The following OSMR variants were observed in gnomAD, a reference collection of about 807,000 sequenced individuals.
OSMR encodes the protein oncostatin-M-specific receptor subunit beta.
OSMR carries 81 observed loss-of-function variants against 99.9 expected under a neutral mutation model. The ratio of observed to expected loss-of-function variants is 0.81; its 90% CI spans 0.68 to 0.97. OSMR has a LOEUF of 0.97. OSMR is among the 50% of genes least tolerant of loss of function. The pLI, the probability that OSMR is intolerant of heterozygous loss-of-function variation, is 0.00. For missense variants in OSMR, 1,099 were observed against 1,153.4 expected, an observed-to-expected ratio of 0.95 and a Z score of 0.68; for synonymous variants, 406 against 410.4, an observed-to-expected ratio of 0.99 and a Z score of 0.13.
intron 1 of OSMR, among the ~76,000 whole-genome samples, chr5:38,866,539 A>G (rs1205034974): frequency 6.6e-6 from 1 of 152,184 alleles, no homozygotes; most frequent in East Asian, 1.9e-4. Context: ...AGTGAGGTAG[A>G]GTGCTGGGGA....
chr5:38,904,406 T>C lies in OSMR; in HGVS notation c.1188T>C (p.Pro396=), dbSNP rs1745098841. 1 of 1,614,082 alleles carries C rather than the reference T, an allele frequency of 6.2e-7. No individual in the cohort carries two copies. Among genetic ancestry groups the C allele is most frequent in the African/African-American group, 1.3e-5 (1 of 74,934 alleles). The change falls in exon 9 of 18, where the codon CCT becomes CCC. Residue 396 remains proline, a synonymous_variant. Coordinates refer to ENST00000274276, the MANE Select transcript of OSMR (RefSeq NM_003999.3). ...NGEYFLSELE[P]ATEYMARVRC... Reference sequence around the variant, plus strand: ...AGTACTTCTTAAGTGAACTGGAACCTGCCACAGAGTACATGGCGCGAGTAC... The same window carrying C: ...AGTACTTCTTAAGTGAACTGGAACCCGCCACAGAGTACATGGCGCGAGTAC...
chr5:38,919,658 A>G, intron 11 of OSMR: 1 of 283,236 alleles, frequency 3.5e-6, no homozygotes, highest in Non-Finnish European at 6.8e-6. Context: ...TCAACCCCAC[A>G]GTTACATGCT....
chr5:38,927,026 A>T (rs967942031), intron 15 of OSMR, among the ~76,000 whole-genome samples: 1 of 152,178 alleles, frequency 6.6e-6, no homozygotes, highest in Non-Finnish European at 1.5e-5. Flanking sequence ...CAGTCATTAA[A>T]CCTTAAAGTT....
chr5:38,863,900 TTATTACA>T lies in OSMR; in HGVS notation c.-13-5128_-13-5122del, dbSNP rs375924571. Among the ~76,000 whole-genome samples the T allele has an allele frequency of 1.5e-3, 219 of 150,592 alleles. 1 individual carries two copies. Among genetic ancestry groups the T allele is most frequent in the African/African-American group, 5.1e-3 (212 of 41,408 alleles). On this transcript the variant is annotated intron_variant, in intron 1 of 17. Coordinates refer to ENST00000274276, the MANE Select transcript of OSMR (RefSeq NM_003999.3). ...AGATCTTCTTGCTGAATTGAGCCCT[TTATTACA>T]TATAACAACTTTCTTTTTCTCTTTT...
In OSMR at chr5:38,908,149, G is replaced by A. The variant is rs542087060; in HGVS notation, c.1285+3646G>A. ...TGCAAACCAGCACACAGACAACCAC[G>A]GCCCTGCCTTCCCAGTGCCACCACA... On this transcript the variant is annotated intron_variant, in intron 9 of 17. Coordinates refer to ENST00000274276, the MANE Select transcript of OSMR (RefSeq NM_003999.3). 4.6e-5 allele frequency among the ~76,000 whole-genome samples: 7 copies of A among 152,100 alleles called. No homozygotes were observed. In the South Asian group the frequency reaches 1.2e-3, roughly 27 times the overall value.
chr5:38,857,515 C>A (rs1348245310), intron 1 of OSMR, among the ~76,000 whole-genome samples: 1 of 152,046 alleles, frequency 6.6e-6, no homozygotes, highest in Non-Finnish European at 1.5e-5. Context: ...AAAATTGACA[C>A]ATAATAATTA....
intron 9 of OSMR, among the ~76,000 whole-genome samples, chr5:38,915,076 T>G (rs1056122105): frequency 1.3e-5 from 2 of 152,204 alleles, no homozygotes; most frequent in African/African-American, 4.8e-5. Flanking sequence ...TTCACTAAAT[T>G]TGATTATTAA....
At chr5:38,849,530 A>G (rs978114295) in intron 1 of OSMR, among the ~76,000 whole-genome samples, 2 of 151,976 alleles carry the variant, frequency 1.3e-5, no homozygotes, top group African/African-American at 4.8e-5. Context: ...AGTGTTTTTG[A>G]AAATCTTGTG....
intron 1 of OSMR, among the ~76,000 whole-genome samples, chr5:38,865,894 G>T (rs1019285170): frequency 7.9e-5 from 12 of 152,212 alleles, no homozygotes; most frequent in Non-Finnish European, 1.6e-4. Context: ...TGGTGGCTGT[G>T]ATGGGCTGTG....
At chr5:38,936,266 T>C (rs956272455), downstream of OSMR, among the ~76,000 whole-genome samples, 6 of 152,162 alleles carry the variant, frequency 3.9e-5, no homozygotes, top group African/African-American at 1.4e-4. Flanking sequence ...AATCATGATA[T>C]CATGATTTCA....
At chr5:38,940,865 T>C (rs1414938222) in intron 1 of OSMR, 1 of 232,264 alleles carries the variant, frequency 4.3e-6, no homozygotes. Context: ...AGGATCTGCA[T>C]CATGGGAAAA....
In OSMR at chr5:38,932,879, C is replaced by T; in HGVS notation, c.2375C>T (p.Pro792Leu). ...ILSLIKFKEN[P>L]HLIIMNVSDC... ...TTTTTGTTTCCTTTCTAGGAGAACC[C>T]TCACCTAATAATAATGAATGTCAGT... is the stretch of plus-strand genomic sequence containing the variant. Residue 792 changes from proline (P) to leucine (L), a missense_variant, in exon 18 of 18, where the codon CCT (proline) becomes CTT (leucine). Transcript: ENST00000274276. 1 of 1,613,378 alleles carries T rather than the reference C, an allele frequency of 6.2e-7. No individual in the cohort carries two copies. The highest frequency in any genetic ancestry group is 8.5e-7 in the Non-Finnish European group (1 of 1,179,418).
At chr5:38,901,302 ATCC>A (rs1744873810) in intron 7 of OSMR, among the ~76,000 whole-genome samples, 1 of 152,158 alleles carries the variant, frequency 6.6e-6, no homozygotes. Context: ...GAGCCAAAAC[ATCC>A]TCAACAGGTT....
At chr5:38,916,200 CGT>C (rs1394777046) in intron 9 of OSMR, among the ~76,000 whole-genome samples, 6 of 152,014 alleles carry the variant, frequency 3.9e-5, no homozygotes, top group African/African-American at 7.2e-5. Context: ...ATGATTAAAA[CGT>C]GTGCCTTTTT....
downstream of OSMR, among the ~76,000 whole-genome samples, chr5:38,936,494 G>C (rs1200860307): frequency 3.9e-5 from 6 of 152,278 alleles, no homozygotes; most frequent in Non-Finnish European, 1.5e-5. Flanking sequence ...TTCAAGATGG[G>C]AGTTGGGACC....
intron 9 of OSMR, among the ~76,000 whole-genome samples, chr5:38,913,562 A>G (rs13164940): frequency 6.6e-6 from 1 of 151,442 alleles, no homozygotes; most frequent in Non-Finnish European, 1.5e-5. Flanking sequence ...AAAAAAAAAA[A>G]AAAATGGGTG....
At position 38,846,626 on chromosome 5, in the gene OSMR, A is replaced by AT. The variant is rs375806883; in HGVS notation, c.-14+244dup. ...CCCTTGACTCCCACCTGAGAGAGCC[A>AT]TTTTTCTGGGAATCCGTGTATCTCT... On this transcript the variant is annotated intron_variant, in intron 1 of 17. Coordinates refer to ENST00000274276, the MANE Select transcript of OSMR (RefSeq NM_003999.3). Among the ~76,000 whole-genome samples the AT allele has an allele frequency of 2.8e-3, 431 of 151,954 alleles. 2 individuals carry two copies. Among genetic ancestry groups the AT allele is most frequent in the African/African-American group, 0.01 (420 of 41,424 alleles).
intron 9 of OSMR, among the ~76,000 whole-genome samples, chr5:38,913,179 T>C (rs1486215433): frequency 1.3e-5 from 2 of 152,092 alleles, no homozygotes; most frequent in Non-Finnish European, 2.9e-5. Flanking sequence ...ACTATGCACC[T>C]GACAAACACC....
intron 9 of OSMR, among the ~76,000 whole-genome samples, chr5:38,911,397 G>A (rs763269088): frequency 6.6e-6 from 1 of 152,126 alleles, no homozygotes; most frequent in East Asian, 1.9e-4. Context: ...GACCAATAGT[G>A]GGATCTGAAA....
Sources: gnomAD v4.1 joint callset for allele counts (sites outside exome capture counted in the v4.1 genomes callset) on GRCh38, gnomAD v4.1.1 for gene constraint, MANE v1.5 for transcripts, NCBI Gene and HGNC (gene_info 2026-07-23, HGNC 2026-07-21) for gene names.